SUFU: variants seen among roughly 807,000 people sequenced by gnomAD.
SUFU encodes SUFU negative regulator of hedgehog signaling.
A neutral mutation model predicts 58.9 loss-of-function variants in SUFU; 7 were observed. The observed-to-expected ratio is 0.12, with a 90% CI of 0.07 to 0.22. The LOEUF (loss-of-function observed/expected upper bound fraction) is 0.22, where lower values mean the gene tolerates loss of function less well. Ranked by LOEUF, SUFU falls within the 10% of genes least tolerant of loss-of-function variation. The pLI, the probability that SUFU is intolerant of heterozygous loss-of-function variation, is 1.00. For synonymous variants in SUFU, 232 were observed against 254.8 expected (o/e 0.91, Z 0.85); for missense variants, 451 against 641.3 (o/e 0.70, Z 3.20).
chr10:102,545,232 C>T (rs1236570890), intron 2 of SUFU, among the ~76,000 whole-genome samples: 3 of 151,716 alleles, frequency 2.0e-5, no homozygotes, highest in Non-Finnish European at 4.4e-5. Flanking sequence ...ACTGCCTCAG[C>T]ACCCCCACCC....
At chr10:102,521,854 A>C (rs2062555869) in intron 2 of SUFU, among the ~76,000 whole-genome samples, 1 of 152,236 alleles carries the variant, frequency 6.6e-6, no homozygotes, top group Admixed American at 6.5e-5. Flanking sequence ...TTTCACTTAT[A>C]AAAACAGTTG....
chr10:102,536,363 CTTT>C (rs11290425), intron 2 of SUFU, among the ~76,000 whole-genome samples: 16 of 101,864 alleles, frequency 1.6e-4, no homozygotes, highest in East Asian at 2.9e-4. Flanking sequence ...AATTTTATTG[CTTT>C]TTTTTTTTTT....
chr10:102,568,492 A>G (rs1238099840), intron 3 of SUFU, among the ~76,000 whole-genome samples: 1 of 152,190 alleles, frequency 6.6e-6, no homozygotes, highest in East Asian at 1.9e-4. Flanking sequence ...ATGTCTCTAT[A>G]CAAAAAATAG....
chr10:102,521,990 AC>A (rs1228454928), intron 2 of SUFU, among the ~76,000 whole-genome samples: 1 of 152,216 alleles, frequency 6.6e-6, no homozygotes, highest in East Asian at 1.9e-4. Flanking sequence ...TCTATAAATA[AC>A]TGGGAGTGAC....
chr10:102,509,110 G>A, intron 1 of SUFU, 59 bp from the exon 2 acceptor site: 1 of 1,611,726 alleles, frequency 6.2e-7, no homozygotes, highest in Non-Finnish European at 8.5e-7. Context: ...GAGCGCCTTA[G>A]CTTGACATTG....
In SUFU at chr10:102,630,668, A is replaced by G. The variant is rs1371364714; in HGVS notation, c.*513A>G. On this transcript the variant is annotated 3_prime_UTR_variant, in exon 12 of 12. Coordinates refer to ENST00000369902, the MANE Select transcript of SUFU (RefSeq NM_016169.4). ...TTTCTTCTTCCTTATTTTATTTTGTAGAAACCGGGTGGTATTTTATTGCTC... is the reference window on the plus strand; with the variant it reads ...TTTCTTCTTCCTTATTTTATTTTGTGGAAACCGGGTGGTATTTTATTGCTC... 6.7e-6 allele frequency: 2 copies of G among 299,340 alleles called. No homozygotes were observed. The highest frequency in any genetic ancestry group is 1.3e-5 in the Non-Finnish European group (2 of 157,198). The allele number at this position is 299,340 out of a possible 1,614,324, so 18.5% of individuals were successfully genotyped here. A position where few individuals can be genotyped will look rare whatever the true frequency, so the allele number is the denominator to read the frequency against.
chr10:102,615,069 A>G (rs1201424526), intron 8 of SUFU, among the ~76,000 whole-genome samples, 199 bp from the exon 9 acceptor site: 4 of 151,898 alleles, frequency 2.6e-5, no homozygotes, highest in Non-Finnish European at 5.9e-5. Context: ...GGGCATTGTG[A>G]GGAGTAGCCA....
chr10:102,555,249 CAG>C (rs2062962610), intron 3 of SUFU, among the ~76,000 whole-genome samples: 1 of 112,830 alleles, frequency 8.9e-6, no homozygotes, highest in East Asian at 3.0e-4. Context: ...GCCTGGGCGT[CAG>C]AGTGAGACTC....
At chr10:102,579,715 C>T (rs1010506694) in intron 3 of SUFU, 6 of 423,776 alleles carry the variant, frequency 1.4e-5, no homozygotes, top group Non-Finnish European at 1.6e-5. Context: ...AGTGGGACTG[C>T]GTATTCATTT....
chr10:102,617,466 T>C lies in SUFU; in HGVS notation c.1296+38T>C, dbSNP rs1301725684. ...TTTTTCTTCTCCCTCCTTCCTTTCA[T>C]AGACTTCCTTGCCCACCCCTCCTCT... On this transcript the variant is annotated intron_variant, in intron 10 of 11. Coordinates refer to ENST00000369902, the MANE Select transcript of SUFU (RefSeq NM_016169.4). The surrounding 1 kb of genome is among the most constrained non-coding windows in gnomAD (Gnocchi z 4.4). 6 of 1,613,888 alleles carry C rather than the reference T, an allele frequency of 3.7e-6. No individual in the cohort carries two copies. The highest frequency in any genetic ancestry group is 4.2e-6 in the Non-Finnish European group (5 of 1,179,792).
At position 102,627,170 on chromosome 10, in the gene SUFU, C is replaced by T. The variant is rs1275187815; in HGVS notation, c.1297-5C>T. The T allele has an allele frequency of 2.5e-6, 4 of 1,614,190 alleles. No homozygotes were observed. Among genetic ancestry groups the T allele is most frequent in the Non-Finnish European group, 2.5e-6 (3 of 1,180,006 alleles). On this transcript the variant is annotated splice_region_variant and splice_polypyrimidine_tract_variant and intron_variant, in intron 10 of 11. Transcript: ENST00000369902. ...ATAATAAAAGCCTGCCTTGTGCCTT[C>T]ACAGATTCTGTTGACCGAAGAGTTT...
chr10:102,537,583 C>G (rs758399759), intron 2 of SUFU, among the ~76,000 whole-genome samples: 1 of 152,214 alleles, frequency 6.6e-6, no homozygotes, highest in African/African-American at 2.4e-5. Context: ...CAAACCCTGG[C>G]AACCACCATC....
At chr10:102,563,378 A>AGGGAGGTGAGG (rs1305894517) in intron 3 of SUFU, among the ~76,000 whole-genome samples, 1 of 152,134 alleles carries the variant, frequency 6.6e-6, no homozygotes, top group Non-Finnish European at 1.5e-5. Context: ...ATGTAGCTGG[A>AGGGAGGTGAGG]GGGAGGTGAG....
intron 10 of SUFU, 37 bp from the exon 11 acceptor site, chr10:102,627,138 A>G: frequency 6.2e-7 from 1 of 1,609,568 alleles, no homozygotes; most frequent in African/African-American, 1.3e-5. Context: ...TCATACATTT[A>G]AAAATAATAA....
chr10:102,524,376 A>C (rs189509851), intron 2 of SUFU, among the ~76,000 whole-genome samples: 41 of 131,910 alleles, frequency 3.1e-4, no homozygotes, highest in Middle Eastern at 0.01. Flanking sequence ...CCCAGGCTGG[A>C]GTGCAGTGGT....
chr10:102,586,660 G>A (rs983529713), intron 3 of SUFU, among the ~76,000 whole-genome samples: 2 of 152,180 alleles, frequency 1.3e-5, no homozygotes, highest in South Asian at 2.1e-4. Context: ...GCGACAGAGC[G>A]AGACTCCGTC....
intron 2 of SUFU, among the ~76,000 whole-genome samples, chr10:102,510,692 A>G (rs2062390475): frequency 6.6e-6 from 1 of 152,048 alleles, no homozygotes; most frequent in Non-Finnish European, 1.5e-5. Context: ...GCATGGTAGC[A>G]TGTGCCTGTA....
At chr10:102,505,639 A>G (rs1397725480) in intron 1 of SUFU, among the ~76,000 whole-genome samples, 1 of 152,188 alleles carries the variant, frequency 6.6e-6, no homozygotes, top group East Asian at 1.9e-4. Context: ...GGAGGATGCC[A>G]AGAGGCCAAC....
chr10:102,510,032 G>T (rs2062380677), intron 2 of SUFU, among the ~76,000 whole-genome samples: 1 of 151,522 alleles, frequency 6.6e-6, no homozygotes, highest in African/African-American at 2.4e-5. Flanking sequence ...GTAGAGACAG[G>T]GTTTCACCAT....
Sources: allele counts gnomAD v4.1 joint callset (sites outside exome capture counted in the v4.1 genomes callset), GRCh38; gene constraint gnomAD v4.1.1; non-coding constraint Gnocchi (gnomAD v3.1); transcripts MANE v1.5; gene names NCBI Gene and HGNC (gene_info 2026-07-23, HGNC 2026-07-21).